The following ZBTB8A variants were observed in gnomAD, a reference collection of about 807,000 sequenced individuals.
ZBTB8A encodes the protein zinc finger and BTB domain containing 8A, also known as zinc finger and BTB domain-containing protein 8A.
Under a neutral mutation model 37.8 loss-of-function variants are expected in ZBTB8A, and 19 were observed. The ratio of observed to expected loss-of-function variants is 0.50; its 90% CI spans 0.35 to 0.74. The LOEUF (loss-of-function observed/expected upper bound fraction) is 0.74. Among genes scored for constraint, ZBTB8A ranks in the 30% least tolerant of loss-of-function variants. ZBTB8A has a pLI of 0.01. For synonymous variants in ZBTB8A, 181 were observed against 185.2 expected, an observed-to-expected ratio of 0.98 and a Z score of 0.19; for missense variants, 394 against 537.8, an observed-to-expected ratio of 0.73 and a Z score of 2.65.
intron 2 of ZBTB8A, among the ~76,000 whole-genome samples, chr1:32,562,695 C>A (rs1301063078): frequency 6.6e-6 from 1 of 151,084 alleles, no homozygotes; most frequent in African/African-American, 2.4e-5. Flanking sequence ...TCCTGCCTTG[C>A]CTCAGCCTCC....
intron 1 of ZBTB8A, among the ~76,000 whole-genome samples, chr1:32,541,943 C>T (rs1415748818): frequency 1.3e-5 from 2 of 152,164 alleles, no homozygotes; most frequent in African/African-American, 4.8e-5. Context: ...CACTGACTTA[C>T]AATGGCTTGA....
At chr1:32,593,859 C>A in intron 3 of ZBTB8A, 105 bp downstream of exon 3, 2 of 881,670 alleles carry the variant, frequency 2.3e-6, no homozygotes, top group Admixed American at 5.9e-5. Context: ...GCAGTTGAAG[C>A]AAGTGATTTT....
At chr1:32,596,289 G>T (rs891670175) in intron 4 of ZBTB8A, among the ~76,000 whole-genome samples, 1 of 150,412 alleles carries the variant, frequency 6.6e-6, no homozygotes, top group African/African-American at 2.5e-5. Flanking sequence ...AGAATGGTGT[G>T]AACCTGGGAG....
At chr1:32,563,524 G>A (rs1644258794) in intron 2 of ZBTB8A, among the ~76,000 whole-genome samples, 1 of 151,816 alleles carries the variant, frequency 6.6e-6, no homozygotes, top group African/African-American at 2.4e-5. Flanking sequence ...GTGCAATGAT[G>A]TGATCTCAGC....
chr1:32,586,630 A>C (rs1046706122), intron 2 of ZBTB8A, among the ~76,000 whole-genome samples: 4 of 151,980 alleles, frequency 2.6e-5, no homozygotes, highest in Admixed American at 2.6e-4. Flanking sequence ...CTGGGGGAAG[A>C]ATGTTCCAAG....
intron 1 of ZBTB8A, among the ~76,000 whole-genome samples, chr1:32,550,904 C>G (rs1332290574): frequency 6.6e-6 from 1 of 151,076 alleles, no homozygotes; most frequent in Non-Finnish European, 1.5e-5. Flanking sequence ...TTGCAGTGAG[C>G]CAAGATCGCG....
chr1:32,596,458 A>T (rs1450368816), intron 4 of ZBTB8A, among the ~76,000 whole-genome samples: 5 of 151,252 alleles, frequency 3.3e-5, no homozygotes, highest in African/African-American at 1.2e-4. Flanking sequence ...GCGCACACCT[A>T]TAATCCCAGC....
At chr1:32,563,689 T>G (rs1644260042) in intron 2 of ZBTB8A, among the ~76,000 whole-genome samples, 1 of 152,116 alleles carries the variant, frequency 6.6e-6, no homozygotes, top group Non-Finnish European at 1.5e-5. Context: ...GCCAGGCTGG[T>G]CTCGAACTCC....
chr1:32,603,498 C>T lies in ZBTB8A; in HGVS notation c.*3079C>T, dbSNP rs1254138048. 1 of 152,406 alleles carries T rather than the reference C, an allele frequency of 6.6e-6. No homozygotes were observed. Among genetic ancestry groups the T allele is most frequent in the Non-Finnish European group, 1.5e-5 (1 of 68,032 alleles). 9.4% of individuals were successfully genotyped at this position (152,406 alleles called of 1,614,324 possible). On this transcript the variant is annotated 3_prime_UTR_variant, in exon 5 of 5. Coordinates refer to ENST00000373510, the MANE Select transcript of ZBTB8A (RefSeq NM_001040441.3). ...AAACGCTTGTCATTCTCTAGTCTTACCCAATTAATACTGACACCTTTTGAA... is the reference window on the plus strand; with the variant it reads ...AAACGCTTGTCATTCTCTAGTCTTATCCAATTAATACTGACACCTTTTGAA...
At chr1:32,568,600 A>G (rs1047510589) in intron 2 of ZBTB8A, among the ~76,000 whole-genome samples, 1 of 152,006 alleles carries the variant, frequency 6.6e-6, no homozygotes, top group African/African-American at 2.4e-5. Flanking sequence ...GTTAGCCAGG[A>G]TGGTCTCGAT....
intron 2 of ZBTB8A, among the ~76,000 whole-genome samples, chr1:32,580,053 G>C (rs775366387): frequency 1.3e-5 from 2 of 151,950 alleles, no homozygotes; most frequent in African/African-American, 4.8e-5. Flanking sequence ...TTCTGTAAGG[G>C]TAGATGGGAC....
intron 2 of ZBTB8A, among the ~76,000 whole-genome samples, chr1:32,579,360 A>C (rs1644386220): frequency 6.6e-6 from 1 of 151,884 alleles, no homozygotes; most frequent in Admixed American, 6.6e-5. Flanking sequence ...CTGAAGCAGG[A>C]GAATCACTTC....
At chr1:32,583,860 C>G (rs547703468) in intron 2 of ZBTB8A, among the ~76,000 whole-genome samples, 2 of 152,276 alleles carry the variant, frequency 1.3e-5, no homozygotes, top group South Asian at 4.2e-4. Context: ...TCTCCTCCCT[C>G]AACCTCCCGA....
intron 1 of ZBTB8A, among the ~76,000 whole-genome samples, chr1:32,539,935 G>A (rs1570297870): frequency 6.6e-6 from 1 of 150,870 alleles, no homozygotes; most frequent in Non-Finnish European, 1.5e-5. Flanking sequence ...CGGGCTGCGC[G>A]GAGCAAAGAC....
intron 2 of ZBTB8A, among the ~76,000 whole-genome samples, chr1:32,563,633 T>TTG (rs142915268): frequency 4.6e-5 from 7 of 151,890 alleles, no homozygotes; most frequent in East Asian, 1.9e-4. Flanking sequence ...CAGCTAATTT[T>TTG]TGTGTGTGTG....
intron 2 of ZBTB8A, among the ~76,000 whole-genome samples, chr1:32,559,602 C>T (rs529472219): frequency 6.6e-6 from 1 of 152,000 alleles, no homozygotes; most frequent in African/African-American, 2.4e-5. Flanking sequence ...GTACCTGGGA[C>T]TACAGGTACA....
At chr1:32,539,727 G>GGAA (rs1557697373) in intron 1 of ZBTB8A, among the ~76,000 whole-genome samples, 155 bp downstream of exon 1, 1 of 1,318 alleles carries the variant, frequency 7.6e-4, no homozygotes, top group African/African-American at 3.0e-3. Flanking sequence ...CCCGGGCCGG[G>GGAA]AGCGCGGCGG....
chr1:32,545,947 C>G (rs939983622), intron 1 of ZBTB8A, among the ~76,000 whole-genome samples: 15 of 152,126 alleles, frequency 9.9e-5, no homozygotes, highest in African/African-American at 3.6e-4. Flanking sequence ...CTAGAAGTCT[C>G]TTCTCTTCCT....
chr1:32,563,509 C>T (rs1027318842), intron 2 of ZBTB8A, among the ~76,000 whole-genome samples: 2 of 152,014 alleles, frequency 1.3e-5, no homozygotes, highest in Admixed American at 6.6e-5. Context: ...GTCACCCAGG[C>T]TGGAGTGCAA....
Sources: allele counts gnomAD v4.1 joint callset (sites outside exome capture counted in the v4.1 genomes callset), GRCh38; gene constraint gnomAD v4.1.1; transcripts MANE v1.5; gene names NCBI Gene and HGNC (gene_info 2026-07-23, HGNC 2026-07-21).